SPRED2: variants seen among roughly 807,000 people sequenced by gnomAD.
SPRED2 encodes the protein sprouty related EVH1 domain containing 2.
SPRED2 carries 47 observed loss-of-function variants against 43.0 expected under a neutral mutation model. That is an observed-to-expected ratio of 1.09 (90% CI 0.87 to 1.40). The LOEUF is 1.40. SPRED2 is among the 40% of genes most tolerant of loss of function. SPRED2 has a pLI of 0.00. For missense variants in SPRED2, 561 were observed against 586.4 expected (o/e 0.96, Z 0.45); for synonymous variants, 225 against 225.7 (o/e 1.00, Z 0.03).
At position 65,344,720 on chromosome 2, in the gene SPRED2, A is replaced by C. The variant is rs779216346; in HGVS notation, c.203T>G (p.Leu68Arg). 3 of 1,613,904 alleles carry C rather than the reference A, an allele frequency of 1.9e-6. No homozygotes were observed. The highest frequency in any genetic ancestry group is 2.5e-6 in the Non-Finnish European group (3 of 1,179,788). ...CACGAGTTGTATGTCTGCCATTACC[A>C]GTTTGTCTTTCTGTCGTTCACCATG... The part of the protein sequence containing the change: ...LIHGERQKDK[L>R]VVLECYVRKD... Residue 68 changes from leucine to arginine, a missense_variant and splice_region_variant, in exon 2 of 6, where the codon CTG becomes CGG. Coordinates refer to ENST00000356388, the MANE Select transcript of SPRED2 (RefSeq NM_181784.3).
chr2:65,432,090 T>C lies in SPRED2; in HGVS notation c.-103A>G. The C allele has an allele frequency of 6.8e-7, 1 of 1,476,730 alleles. No homozygotes were observed. The highest frequency in any genetic ancestry group is 2.3e-5 in the East Asian group (1 of 43,308). The allele number at this position is 1,476,730 out of a possible 1,614,324, so 91.5% of individuals were successfully genotyped here. A position where few individuals can be genotyped will look rare whatever the true frequency, so the allele number is the denominator to read the frequency against. ...TTCACATCTCCGGAGATCGCCTGAT[T>C]TGGGGAGGGGGGGCGGCTAGAGATG... On this transcript the variant is annotated 5_prime_UTR_variant, in exon 1 of 6. Transcript: ENST00000356388.
chr2:65,369,322 C>T (rs1394679076), intron 1 of SPRED2, among the ~76,000 whole-genome samples: 1 of 152,130 alleles, frequency 6.6e-6, no homozygotes, highest in Non-Finnish European at 1.5e-5. Flanking sequence ...AAACATCATA[C>T]TATATCCCTG....
intron 1 of SPRED2, chr2:65,366,489 T>C: frequency 8.0e-7 from 1 of 1,255,354 alleles, no homozygotes; most frequent in Admixed American, 2.2e-5. Context: ...ACAACTAGGA[T>C]AAATTTTCTC....
chr2:65,339,284 G>C (rs114008988), intron 2 of SPRED2, among the ~76,000 whole-genome samples: 17,649 of 151,682 alleles, frequency 0.12, 1,503 homozygotes, highest in Non-Finnish European at 0.17. Context: ...GGAATGGAAG[G>C]GGGGGCAGGG....
chr2:65,402,913 C>T (rs1272131342), intron 1 of SPRED2, among the ~76,000 whole-genome samples: 3 of 152,182 alleles, frequency 2.0e-5, no homozygotes, highest in African/African-American at 7.2e-5. Flanking sequence ...AAGGGTTACA[C>T]AATGATGAGC....
At chr2:65,372,579 C>T (rs1675151351) in intron 1 of SPRED2, among the ~76,000 whole-genome samples, 1 of 152,070 alleles carries the variant, frequency 6.6e-6, no homozygotes, top group South Asian at 2.1e-4. Context: ...TGGCTTCAGA[C>T]CTGGTTGCAA....
At chr2:65,431,589 A>C (rs1676696239) in intron 1 of SPRED2, among the ~76,000 whole-genome samples, 1 of 152,122 alleles carries the variant, frequency 6.6e-6, no homozygotes, top group South Asian at 2.1e-4. Flanking sequence ...ACTGTGCAAA[A>C]ACCCACCAGC....
intron 1 of SPRED2, among the ~76,000 whole-genome samples, chr2:65,431,216 T>TAC (rs141740222): frequency 0.052 from 7,778 of 150,230 alleles, 659 homozygotes; most frequent in African/African-American, 0.18. Context: ...GACACTCACA[T>TAC]ACACACACAC....
chr2:65,401,177 C>T (rs892960038), intron 1 of SPRED2, among the ~76,000 whole-genome samples: 2 of 151,456 alleles, frequency 1.3e-5, no homozygotes, highest in Non-Finnish European at 1.5e-5. Flanking sequence ...GGTTTCACCA[C>T]GTTGGCCAGG....
At chr2:65,325,503 T>C (rs1009955734) in intron 4 of SPRED2, among the ~76,000 whole-genome samples, 2 of 152,192 alleles carry the variant, frequency 1.3e-5, no homozygotes, top group Non-Finnish European at 2.9e-5. Flanking sequence ...AGTTTTCTCA[T>C]GTGTAAAATG....
At position 65,363,005 on chromosome 2, in the gene SPRED2, G is replaced by GTTTTTTTT. The variant is rs113081105; in HGVS notation, c.27-18117_27-18110dup. ...GCTTTCTCTATGGTCATCATGTTTT[G>GTTTTTTTT]TTTTTTTTTTTTTTTTTTTTTTTTG... On this transcript the variant is annotated intron_variant, in intron 1 of 5. Transcript: ENST00000356388. Among the ~76,000 whole-genome samples, 19 of 121,096 alleles carry GTTTTTTTT rather than the reference G, an allele frequency of 1.6e-4. 1 individual carries two copies. Among genetic ancestry groups the GTTTTTTTT allele is most frequent in the African/African-American group, 3.2e-4 (10 of 30,930 alleles). The allele number at this position is 121,096 out of a possible 152,430, so 79.4% of individuals were successfully genotyped here. A position where few individuals can be genotyped will look rare whatever the true frequency, so the allele number is the denominator to read the frequency against.
intron 1 of SPRED2, among the ~76,000 whole-genome samples, chr2:65,349,957 G>A (rs1244513384): frequency 6.6e-6 from 1 of 152,202 alleles, no homozygotes; most frequent in Non-Finnish European, 1.5e-5. Flanking sequence ...TTAAAACAAG[G>A]CAGGGGGATA....
chr2:65,330,237 T>C (rs1321173829), intron 4 of SPRED2, among the ~76,000 whole-genome samples: 2 of 152,226 alleles, frequency 1.3e-5, no homozygotes, highest in Non-Finnish European at 2.9e-5. Flanking sequence ...GTAATGGTTT[T>C]TCAAATCACC....
chr2:65,360,287 A>T (rs1277472253), intron 1 of SPRED2, among the ~76,000 whole-genome samples: 1 of 152,078 alleles, frequency 6.6e-6, no homozygotes, highest in East Asian at 1.9e-4. Context: ...CTCAGGACTA[A>T]CTTCACACAG....
intron 1 of SPRED2, among the ~76,000 whole-genome samples, chr2:65,430,853 C>T (rs1325626270): frequency 6.8e-6 from 1 of 146,822 alleles, no homozygotes; most frequent in African/African-American, 2.5e-5. Context: ...AATAAAGGAG[C>T]GCGTCTTATT....
intron 4 of SPRED2, among the ~76,000 whole-genome samples, chr2:65,327,713 C>CTTTTTTT (rs555549300): frequency 6.2e-4 from 46 of 74,464 alleles, no homozygotes; most frequent in African/African-American, 1.1e-3. Flanking sequence ...TTCTTTCTTT[C>CTTTTTTT]TTTTTTTTTT....
intron 1 of SPRED2, among the ~76,000 whole-genome samples, chr2:65,428,458 T>C (rs1280756478): frequency 2.0e-5 from 3 of 152,170 alleles, no homozygotes; most frequent in Non-Finnish European, 4.4e-5. Flanking sequence ...TCAGGCAGAG[T>C]GTTAAAGACA....
At chr2:65,359,582 T>C (rs570834128) in intron 1 of SPRED2, among the ~76,000 whole-genome samples, 48 of 152,246 alleles carry the variant, frequency 3.2e-4, no homozygotes, top group African/African-American at 1.1e-3. Context: ...ATCACCAACA[T>C]GTTTGCAGCA....
chr2:65,367,084 C>T (rs1214531810), intron 1 of SPRED2, among the ~76,000 whole-genome samples: 2 of 152,156 alleles, frequency 1.3e-5, no homozygotes, highest in Non-Finnish European at 2.9e-5. Flanking sequence ...GAGCAAGGAT[C>T]CCTCTCTTTA....
Sources: gnomAD v4.1 joint callset for allele counts (sites outside exome capture counted in the v4.1 genomes callset) on GRCh38, gnomAD v4.1.1 for gene constraint, MANE v1.5 for transcripts, NCBI Gene and HGNC (gene_info 2026-07-23, HGNC 2026-07-21) for gene names.